HOMER2: variants seen among roughly 807,000 people sequenced by gnomAD.
HOMER2 encodes the protein homer protein homolog 2.
Under a neutral mutation model 47.0 loss-of-function variants are expected in HOMER2, and 27 were observed. The observed-to-expected ratio is 0.57, with a 90% CI of 0.42 to 0.79. The LOEUF (loss-of-function observed/expected upper bound fraction) is 0.79. HOMER2 is among the 30% of genes least tolerant of loss of function. HOMER2 has a pLI of 0.00. For missense variants in HOMER2, 443 were observed against 435.0 expected (o/e 1.02, Z -0.16); for synonymous variants, 161 against 163.8 (o/e 0.98, Z 0.13).
chr15:82,858,377 C>T (rs918657911), intron 5 of HOMER2, among the ~76,000 whole-genome samples: 12 of 152,066 alleles, frequency 7.9e-5, no homozygotes, highest in African/African-American at 2.9e-4. Context: ...GCAGCCTCTG[C>T]CACCTCCCAG....
intron 1 of HOMER2, among the ~76,000 whole-genome samples, chr15:82,980,716 A>G (rs2030363187): frequency 6.6e-6 from 1 of 152,192 alleles, no homozygotes; most frequent in Admixed American, 6.5e-5. Context: ...GGTTTAAAGG[A>G]GGAAGGAGAT....
At chr15:82,976,515 T>C (rs189211609) in intron 1 of HOMER2, among the ~76,000 whole-genome samples, 80 of 152,038 alleles carry the variant, frequency 5.3e-4, no homozygotes, top group Admixed American at 5.1e-3. Flanking sequence ...GCCAGGCTGG[T>C]CTCGAACTCC....
intron 5 of HOMER2, 148 bp downstream of exon 5, chr15:82,858,881 C>G (rs2051678377): frequency 4.6e-6 from 4 of 878,978 alleles, no homozygotes; most frequent in Non-Finnish European, 6.8e-6. Context: ...AGCCAGCTGG[C>G]CTTCCTTTCA....
intron 1 of HOMER2, among the ~76,000 whole-genome samples, chr15:82,938,231 G>T (rs1056427139): frequency 1.3e-5 from 2 of 152,100 alleles, no homozygotes; most frequent in South Asian, 4.1e-4. Flanking sequence ...AAAATTAACC[G>T]GGCGTGGTGG....
At chr15:82,843,096 A>G (rs1036191600) in exon 2 of HOMER2, 2 of 152,144 alleles carry the variant, frequency 1.3e-5, no homozygotes, top group African/African-American at 4.8e-5. Flanking sequence ...AGAAATAATA[A>G]AAGTACAAGA....
chr15:82,893,059 C>T (rs191927057), intron 1 of HOMER2, among the ~76,000 whole-genome samples: 3 of 152,318 alleles, frequency 2.0e-5, no homozygotes, highest in South Asian at 4.1e-4. Flanking sequence ...TATCCCGAGA[C>T]TGCAGGGCAA....
chr15:82,848,568 A>G (rs2051288674), downstream of HOMER2, among the ~76,000 whole-genome samples: 1 of 152,018 alleles, frequency 6.6e-6, no homozygotes, highest in Admixed American at 6.5e-5. Context: ...TGGGTGGAAC[A>G]CCTCTGTCAT....
chr15:82,986,147 G>A, upstream of HOMER2: 1 of 983,364 alleles, frequency 1.0e-6, no homozygotes, highest in South Asian at 4.7e-5. Context: ...TCCACACGGA[G>A]AGCCTTAGTT....
intron 1 of HOMER2, among the ~76,000 whole-genome samples, chr15:82,964,877 T>C (rs1051818304): frequency 6.6e-6 from 1 of 152,256 alleles, no homozygotes; most frequent in Admixed American, 6.5e-5. Flanking sequence ...ACAAGTGTTA[T>C]GCAGCAGGAA....
At chr15:82,929,285 G>C (rs926735892) in intron 1 of HOMER2, among the ~76,000 whole-genome samples, 1 of 152,126 alleles carries the variant, frequency 6.6e-6, no homozygotes, top group Non-Finnish European at 1.5e-5. Context: ...TGAGAAAAAG[G>C]ACCAGGGAGA....
chr15:82,863,982 C>G (rs1393392005), intron 4 of HOMER2, among the ~76,000 whole-genome samples, 185 bp downstream of exon 4: 2 of 152,232 alleles, frequency 1.3e-5, no homozygotes, highest in Admixed American at 6.5e-5. Flanking sequence ...GTCAGAAATA[C>G]AGTACCACAT....
intron 1 of HOMER2, among the ~76,000 whole-genome samples, chr15:82,946,010 A>G (rs758809177): frequency 2.0e-5 from 3 of 152,084 alleles, no homozygotes; most frequent in African/African-American, 4.8e-5. Context: ...ATAAAGGGTA[A>G]AGACAAAACA....
intron 1 of HOMER2, among the ~76,000 whole-genome samples, chr15:82,933,281 C>A (rs1274843808): frequency 6.6e-6 from 1 of 152,118 alleles, no homozygotes; most frequent in Non-Finnish European, 1.5e-5. Context: ...GGATGGAGTG[C>A]AGTGGTGCAA....
chr15:82,872,931 T>G (rs546335662), intron 3 of HOMER2, among the ~76,000 whole-genome samples: 2 of 152,302 alleles, frequency 1.3e-5, no homozygotes, highest in South Asian at 4.1e-4. Context: ...CTGAAAATAC[T>G]CATGTTCCAT....
intron 1 of HOMER2, among the ~76,000 whole-genome samples, chr15:82,931,389 C>T (rs1798745394): frequency 6.6e-6 from 1 of 152,180 alleles, no homozygotes; most frequent in South Asian, 2.1e-4. Flanking sequence ...GCAAAGCTTT[C>T]AGAACATTTA....
intron 1 of HOMER2, among the ~76,000 whole-genome samples, chr15:82,924,484 T>C (rs917422879): frequency 6.6e-6 from 1 of 151,872 alleles, no homozygotes; most frequent in African/African-American, 2.4e-5. Context: ...TTCTCCCGAC[T>C]TCACTTTTAT....
At chr15:82,895,090 G>A (rs188533116) in intron 1 of HOMER2, among the ~76,000 whole-genome samples, 1 of 152,142 alleles carries the variant, frequency 6.6e-6, no homozygotes, top group South Asian at 2.1e-4. Flanking sequence ...TTCTCCTCAG[G>A]CATGCTATTA....
rs2051501749 is a variant in HOMER2, at chr15:82,854,541, G to A, written c.651+103C>T. Reference sequence around the variant, plus strand: ...CAGCAAGTCTTCCTCTGGCCATGGGGATAAGGGCAAAGTTGGGGAGGGAGA... The same window carrying A: ...CAGCAAGTCTTCCTCTGGCCATGGGAATAAGGGCAAAGTTGGGGAGGGAGA... On this transcript the variant is annotated intron_variant, in intron 6 of 8. Coordinates refer to ENST00000450735, the MANE Select transcript of HOMER2 (RefSeq NM_004839.4). 6.3e-6 allele frequency: 8 copies of A among 1,271,874 alleles called. No individual in the cohort carries two copies. The South Asian group carries it at 9.1e-5, about 14-fold the overall frequency. The allele number at this position is 1,271,874 out of a possible 1,614,324, so 78.8% of individuals were successfully genotyped here.
chr15:82,874,675 G>T (rs566891526), intron 3 of HOMER2, among the ~76,000 whole-genome samples: 1 of 152,312 alleles, frequency 6.6e-6, no homozygotes, highest in South Asian at 2.1e-4. Flanking sequence ...AGGCACGTGG[G>T]GAGTCCAAGC....
Sources: allele counts gnomAD v4.1 joint callset (sites outside exome capture counted in the v4.1 genomes callset), GRCh38; gene constraint gnomAD v4.1.1; transcripts MANE v1.5; gene names NCBI Gene and HGNC (gene_info 2026-07-23, HGNC 2026-07-21).